The following TENM2 variants were observed in gnomAD, a reference collection of about 807,000 sequenced individuals.
The protein encoded by TENM2 is teneurin transmembrane protein 2.
In TENM2, 52 loss-of-function variants were observed where a neutral mutation model predicts 245.2. The observed-to-expected ratio is 0.21, with a 90% confidence interval of 0.17 to 0.27. The LOEUF is 0.27. Among genes scored for constraint, TENM2 ranks in the 10% least tolerant of loss-of-function variants. The probability of loss-of-function intolerance (pLI) is 1.00; values close to 1 mark genes in which losing one functional copy is unlikely to be tolerated. For missense variants in TENM2, 3,046 were observed against 3,666.8 expected (o/e 0.83, Z 4.37); for synonymous variants, 1,363 against 1,438.9 (o/e 0.95, Z 1.19).
chr5:167,179,350 A>G, the TENM2 span, among the ~76,000 whole-genome samples: 3 of 152,248 alleles, frequency 2.0e-5, no homozygotes, highest in African/African-American at 7.2e-5. Context: ...ATGAGAGAGA[A>G]GTAAAAGACA....
At chr5:167,747,832 AT>A (rs1268345703) in intron 2 of TENM2, among the ~76,000 whole-genome samples, 1 of 152,056 alleles carries the variant, frequency 6.6e-6, no homozygotes, top group Non-Finnish European at 1.5e-5. Flanking sequence ...GTATCTTCCT[AT>A]TCTTATCTCT....
chr5:167,848,440 A>G (rs1439865178), intron 2 of TENM2, among the ~76,000 whole-genome samples: 1 of 151,952 alleles, frequency 6.6e-6, no homozygotes, highest in Non-Finnish European at 1.5e-5. Context: ...TTTGGCAAAT[A>G]TATATATATA....
intron 3 of TENM2, among the ~76,000 whole-genome samples, chr5:167,887,601 G>T (rs11134478): frequency 0.44 from 66,563 of 152,142 alleles, 16,895 homozygotes; most frequent in Non-Finnish European, 0.56. Flanking sequence ...ACAGAGAGGT[G>T]TGAATCCAAA....
the TENM2 span, among the ~76,000 whole-genome samples, chr5:167,047,667 A>C: frequency 2.0e-5 from 3 of 152,170 alleles, no homozygotes; most frequent in African/African-American, 7.2e-5. Context: ...GAGATTTCAA[A>C]AACCTCCTAT....
intron 5 of TENM2, among the ~76,000 whole-genome samples, chr5:168,038,798 C>G (rs906499242): frequency 1.2e-4 from 18 of 152,118 alleles, no homozygotes; most frequent in South Asian, 4.1e-4. Flanking sequence ...CTGGCCTGTT[C>G]CCCCAGTTTC....
At chr5:168,077,328 A>G (rs950084791) in intron 7 of TENM2, among the ~76,000 whole-genome samples, 4 of 152,038 alleles carry the variant, frequency 2.6e-5, no homozygotes, top group Non-Finnish European at 5.9e-5. Context: ...AATCTTTTTC[A>G]TTCATGCAAT....
chr5:167,287,109 A>G (rs1351118085), intron 1 of TENM2, among the ~76,000 whole-genome samples: 3 of 152,356 alleles, frequency 2.0e-5, no homozygotes, highest in Non-Finnish European at 4.4e-5. Flanking sequence ...GAAGACATCT[A>G]TGAATTTATG....
chr5:167,372,874 G>A (rs1029608376), intron 1 of TENM2, among the ~76,000 whole-genome samples: 1 of 152,148 alleles, frequency 6.6e-6, no homozygotes, highest in Non-Finnish European at 1.5e-5. Context: ...CATTTTCATA[G>A]ACTACTGAGA....
chr5:167,984,744 A>G (rs950318958), intron 4 of TENM2, among the ~76,000 whole-genome samples: 2 of 152,202 alleles, frequency 1.3e-5, no homozygotes, highest in Non-Finnish European at 2.9e-5. Context: ...CGCTTAAGCG[A>G]TCACCTAGTT....
At chr5:167,539,609 G>A (rs1192632684) in intron 2 of TENM2, among the ~76,000 whole-genome samples, 6 of 152,166 alleles carry the variant, frequency 3.9e-5, no homozygotes, top group Non-Finnish European at 5.9e-5. Context: ...GGGAAGATGA[G>A]ACCTAGGTTT....
chr5:167,394,927 G>A (rs1007269049), intron 2 of TENM2, among the ~76,000 whole-genome samples: 2 of 152,100 alleles, frequency 1.3e-5, no homozygotes, highest in African/African-American at 4.8e-5. Context: ...GACATGTGAT[G>A]CCTCCAGCTT....
At chr5:167,438,352 A>C (rs1216872132) in intron 2 of TENM2, among the ~76,000 whole-genome samples, 1 of 152,182 alleles carries the variant, frequency 6.6e-6, no homozygotes. Flanking sequence ...CTTCACAGAC[A>C]TATACACAAA....
chr5:167,342,682 T>C lies in TENM2; in HGVS notation c.227-32516T>C, dbSNP rs556679656. ...AGCTGGGACTACAGGCGCCCGCCAC[T>C]GCGCCTGGCTAATTTTTTGTATTTT... is the stretch of plus-strand genomic sequence containing the variant. On this transcript the variant is annotated intron_variant, in intron 1 of 28. Coordinates refer to ENST00000518659, the Ensembl canonical transcript of TENM2. Among the ~76,000 whole-genome samples the C allele has an allele frequency of 9.0e-3, 1,365 of 151,744 alleles. 17 individuals are homozygous for C. Among genetic ancestry groups the C allele is most frequent in the African/African-American group, 0.028 (1,165 of 41,420 alleles).
chr5:167,783,919 C>CAA (rs139587161), intron 2 of TENM2, among the ~76,000 whole-genome samples: 1 of 151,940 alleles, frequency 6.6e-6, no homozygotes, highest in Non-Finnish European at 1.5e-5. Context: ...CAGTGTACCC[C>CAA]AAATACTAAT....
chr5:167,119,943 T>C, the TENM2 span, among the ~76,000 whole-genome samples: 1 of 152,156 alleles, frequency 6.6e-6, no homozygotes, highest in Non-Finnish European at 1.5e-5. Context: ...AGGACCTTCA[T>C]CCCAACCTGG....
chr5:167,787,181 A>C (rs66851511), intron 2 of TENM2, among the ~76,000 whole-genome samples: 25,040 of 152,122 alleles, frequency 0.16, 3,145 homozygotes, highest in African/African-American at 0.35. Flanking sequence ...GGGAGAATCC[A>C]AAGTGTAGAT....
chr5:167,237,115 T>C, the TENM2 span, among the ~76,000 whole-genome samples: 1 of 152,178 alleles, frequency 6.6e-6, no homozygotes, highest in African/African-American at 2.4e-5. Context: ...ACCCCTGTTT[T>C]CTGTCAGACC....
At chr5:167,130,554 C>T in the TENM2 span, among the ~76,000 whole-genome samples, 1 of 152,278 alleles carries the variant, frequency 6.6e-6, no homozygotes, top group African/African-American at 2.4e-5. Flanking sequence ...CGCTCTCAAG[C>T]CTAAAGTCAC....
chr5:167,363,957 A>T (rs1759881516), intron 1 of TENM2, among the ~76,000 whole-genome samples: 1 of 152,120 alleles, frequency 6.6e-6, no homozygotes, highest in African/African-American at 2.4e-5. Flanking sequence ...AATTAAAAAA[A>T]GTTTAGTACA....
Sources: allele counts gnomAD v4.1 joint callset (sites outside exome capture counted in the v4.1 genomes callset), GRCh38; gene constraint gnomAD v4.1.1; transcripts MANE v1.5; gene names NCBI Gene and HGNC (gene_info 2026-07-23, HGNC 2026-07-21).